SLC7A2: variants seen among roughly 807,000 people sequenced by gnomAD.
SLC7A2 encodes the protein cationic amino acid transporter 2.
Under a neutral mutation model 58.9 loss-of-function variants are expected in SLC7A2, and 48 were observed. The ratio of observed to expected loss-of-function variants is 0.82; its 90% CI spans 0.65 to 1.04. The LOEUF (loss-of-function observed/expected upper bound fraction) is 1.04. Ranked by LOEUF, SLC7A2 falls within the 50% of genes least tolerant of loss-of-function variation. The probability of loss-of-function intolerance (pLI) is 0.00; values close to 1 mark genes in which losing one functional copy is unlikely to be tolerated. For missense variants in SLC7A2, 1,029 were observed against 818.8 expected (o/e 1.26, Z -3.13); for synonymous variants, 363 against 314.5 (o/e 1.15, Z -1.63).
intron 1 of SLC7A2, among the ~76,000 whole-genome samples, chr8:17,498,084 T>C (rs1248632490): frequency 6.6e-6 from 1 of 152,170 alleles, no homozygotes; most frequent in Non-Finnish European, 1.5e-5. Flanking sequence ...ATATAGTGCC[T>C]GGATTTCAAG....
intron 2 of SLC7A2, among the ~76,000 whole-genome samples, chr8:17,514,952 A>C (rs1320754849): frequency 6.6e-6 from 1 of 152,184 alleles, no homozygotes; most frequent in African/African-American, 2.4e-5. Flanking sequence ...TTCATTTCTG[A>C]TCTTGTAGGA....
In SLC7A2 at chr8:17,508,432, T is replaced by C. The variant is rs191037932; in HGVS notation, c.-23+6130T>C. On this transcript the variant is annotated intron_variant, in intron 2 of 12. Coordinates refer to ENST00000494857, the MANE Select transcript of SLC7A2 (RefSeq NM_001370338.1). ...TGGATGCCCTGTCTACTTTTAAAAA[T>C]GATCAATTGAGCCGGGCACAGTGGC... Among the ~76,000 whole-genome samples, 12 of 152,256 alleles carry C rather than the reference T, an allele frequency of 7.9e-5. No homozygotes were observed. The East Asian group carries it at 2.3e-3, about 29-fold the overall frequency.
chr8:17,542,407 T>A (rs1801951049), intron 2 of SLC7A2, among the ~76,000 whole-genome samples: 1 of 152,140 alleles, frequency 6.6e-6, no homozygotes, highest in Non-Finnish European at 1.5e-5. Flanking sequence ...TCCCAGCACT[T>A]TGGGAGGCCA....
At chr8:17,555,040 C>T (rs754853751) in intron 8 of SLC7A2, 1 of 1,613,964 alleles carries the variant, frequency 6.2e-7, no homozygotes, top group Admixed American at 1.7e-5. Flanking sequence ...GAGTAAGAGG[C>T]AGTCACCAGT....
chr8:17,566,695 C>T lies in SLC7A2; in HGVS notation c.*1549C>T, dbSNP rs1455008585. The stretch of plus-strand genomic sequence containing the variant: ...AACAAATTTTTACATGTAAGATTCT[C>T]TAATTGTCATATTTTACTTTTTAGG... On this transcript the variant is annotated 3_prime_UTR_variant, in exon 13 of 13. Transcript: ENST00000494857. 6.6e-6 allele frequency: 1 copy of T among 152,134 alleles called. No individual in the cohort carries two copies. Among genetic ancestry groups the T allele is most frequent in the Non-Finnish European group, 1.5e-5 (1 of 68,016 alleles). 9.4% of individuals were successfully genotyped at this position (152,134 alleles called of 1,614,324 possible). A position where few individuals can be genotyped will look rare whatever the true frequency, so the allele number is the denominator to read the frequency against.
Position 17,543,541 on chromosome 8 carries a change from A to G in SLC7A2, c.202A>G (p.Ile68Val). 1 of 1,612,888 alleles carries G rather than the reference A, an allele frequency of 6.2e-7. No homozygotes were observed. The highest frequency in any genetic ancestry group is 8.5e-7 in the Non-Finnish European group (1 of 1,179,332). The change falls in exon 3 of 13, where the codon ATC becomes GTC. Residue 68 changes from isoleucine (I) to valine (V), a missense_variant. Transcript: ENST00000494857. ...GGCCAAGGCAGACTCGGGCCCCAGC[A>G]TCGTGGTGTCCTTCCTCATTGCTGC... ...EVAKADSGPS[I>V]VVSFLIAALA...
intron 2 of SLC7A2, among the ~76,000 whole-genome samples, chr8:17,511,501 G>A (rs1183050798): frequency 6.6e-6 from 1 of 152,116 alleles, no homozygotes; most frequent in Admixed American, 6.6e-5. Context: ...ATTTGAATTA[G>A]ACTAATACAG....
chr8:17,546,457 A>C lies in SLC7A2; in HGVS notation c.532+1851A>C, dbSNP rs796531758. Among the ~76,000 whole-genome samples the C allele has an allele frequency of 3.3e-5, 5 of 152,356 alleles. No individual in the cohort carries two copies. In the South Asian group the frequency reaches 1.0e-3, roughly 32 times the overall value. ...GTTGTTTTACTAAAGATACACGGGA[A>C]GTGTATGCTCTGCTTAGATGAGATA... On this transcript the variant is annotated intron_variant, in intron 4 of 12. Transcript: ENST00000494857.
At position 17,501,895 on chromosome 8, in the gene SLC7A2, A is replaced by AT. The variant is rs1491076449; in HGVS notation, c.-68-362_-68-361insT. ...TAACAGGAGCTTAAAAAAAAAAAAAAAGTCCCAACTGTGTTATATTCATTT... is the reference window on the plus strand; with the variant it reads ...TAACAGGAGCTTAAAAAAAAAAAAAATAGTCCCAACTGTGTTATATTCATTT... On this transcript the variant is annotated intron_variant, in intron 1 of 12. Coordinates refer to ENST00000494857, the MANE Select transcript of SLC7A2 (RefSeq NM_001370338.1). 1.9e-4 allele frequency among the ~76,000 whole-genome samples: 29 copies of AT among 150,822 alleles called. No individual in the cohort carries two copies. In the East Asian group the frequency reaches 2.7e-3, roughly 14 times the overall value.
At chr8:17,496,552 A>G (rs2150627267), upstream of SLC7A2, among the ~76,000 whole-genome samples, 1 of 152,250 alleles carries the variant, frequency 6.6e-6, no homozygotes, top group South Asian at 2.1e-4. Context: ...CCCACCCCCA[A>G]ACAATCGTGA....
rs558479262 is a variant in SLC7A2, at chr8:17,540,159, T to C, written c.-22-3159T>C. Among the ~76,000 whole-genome samples the C allele has an allele frequency of 2.0e-5, 3 of 152,280 alleles. No individual in the cohort carries two copies. In the South Asian group the frequency reaches 6.2e-4, roughly 32 times the overall value. On this transcript the variant is annotated intron_variant, in intron 2 of 12. Coordinates refer to ENST00000494857, the MANE Select transcript of SLC7A2 (RefSeq NM_001370338.1). ...ACACCTGCTAGGACTCAATAAATGTTTGTTTAAAAATGACTCATTAAATTG... is the reference window on the plus strand; with the variant it reads ...ACACCTGCTAGGACTCAATAAATGTCTGTTTAAAAATGACTCATTAAATTG...
At position 17,563,369 on chromosome 8, in the gene SLC7A2, A is replaced by G. The variant is rs141479194; in HGVS notation, c.1672-234A>G. On this transcript the variant is annotated intron_variant, in intron 11 of 12. Transcript: ENST00000494857. The stretch of plus-strand genomic sequence containing the variant: ...CAAAGAAAGCTAAATCCTAAAACCA[A>G]TATTATTTTGATTGTGCAGGTGTTA... 8.3e-4 allele frequency among the ~76,000 whole-genome samples: 126 copies of G among 152,226 alleles called. 3 individuals carry two copies. In the East Asian group the frequency reaches 0.021, roughly 25 times the overall value.
chr8:17,557,751 CA>C (rs1240996223), intron 8 of SLC7A2, among the ~76,000 whole-genome samples: 5 of 152,076 alleles, frequency 3.3e-5, no homozygotes, highest in Admixed American at 6.6e-5. Context: ...TCGCTTGGAC[CA>C]GGGGGGTGGA....
intron 9 of SLC7A2, among the ~76,000 whole-genome samples, chr8:17,558,774 G>GA (rs1181710360): frequency 1.3e-5 from 2 of 152,020 alleles, no homozygotes; most frequent in African/African-American, 4.8e-5. Flanking sequence ...TTACAATAGT[G>GA]AAAAAATGAA....
intron 4 of SLC7A2, among the ~76,000 whole-genome samples, chr8:17,546,126 C>A (rs1016049419): frequency 3.3e-5 from 5 of 152,112 alleles, no homozygotes; most frequent in African/African-American, 9.7e-5. Context: ...AAATAGAAAC[C>A]AGTCTAGCGT....
chr8:17,552,275 G>T (rs776380499), intron 7 of SLC7A2, among the ~76,000 whole-genome samples: 7 of 152,056 alleles, frequency 4.6e-5, no homozygotes, highest in Non-Finnish European at 8.8e-5. Context: ...AAATATATCT[G>T]TGGCATGTAG....
intron 2 of SLC7A2, among the ~76,000 whole-genome samples, chr8:17,504,216 G>C (rs13260530): frequency 6.6e-6 from 1 of 152,134 alleles, no homozygotes; most frequent in Non-Finnish European, 1.5e-5. Flanking sequence ...CCTCAGTGAG[G>C]AGTAAGTATT....
intron 10 of SLC7A2, among the ~76,000 whole-genome samples, chr8:17,560,835 G>A (rs769807237): frequency 2.0e-5 from 3 of 152,142 alleles, no homozygotes; most frequent in Admixed American, 6.5e-5. Context: ...ATCAGGCCAC[G>A]TACCCCTGCC....
At chr8:17,511,942 G>A (rs998866135) in intron 2 of SLC7A2, among the ~76,000 whole-genome samples, 11 of 152,118 alleles carry the variant, frequency 7.2e-5, no homozygotes, top group East Asian at 1.9e-4. Flanking sequence ...ATGATCTGTC[G>A]TTCTGTAAGA....
Sources: gnomAD v4.1 joint callset for allele counts (sites outside exome capture counted in the v4.1 genomes callset) on GRCh38, gnomAD v4.1.1 for gene constraint, MANE v1.5 for transcripts, NCBI Gene and HGNC (gene_info 2026-07-23, HGNC 2026-07-21) for gene names.